Variants in PRORP observed in about 807,000 individuals in gnomAD.
PRORP encodes mitochondrial ribonuclease P catalytic subunit.
A neutral mutation model predicts 59.4 loss-of-function variants in PRORP; 51 were observed. The observed-to-expected ratio is 0.86, with a 90% CI of 0.69 to 1.08. PRORP has a LOEUF of 1.08. PRORP is among the 50% of genes least tolerant of loss of function. The probability of loss-of-function intolerance (pLI) is 0.00; values close to 1 mark genes in which losing one functional copy is unlikely to be tolerated. For synonymous variants in PRORP, 231 were observed against 245.6 expected (o/e 0.94, Z 0.55); for missense variants, 646 against 690.3 (o/e 0.94, Z 0.72).
intron 5 of PRORP, among the ~76,000 whole-genome samples, chr14:35,206,225 T>C (rs1464840922): frequency 6.6e-6 from 1 of 152,184 alleles, no homozygotes; most frequent in Admixed American, 6.5e-5. Context: ...TCCTCTAGTC[T>C]TTCTGGTGAA....
intron 5 of PRORP, among the ~76,000 whole-genome samples, chr14:35,250,346 G>A (rs375151196): frequency 1.1e-4 from 17 of 152,136 alleles, no homozygotes; most frequent in East Asian, 7.7e-4. Context: ...GACCATTTTC[G>A]GGGAAAACAG....
chr14:35,132,709 C>T (rs566454407), intron 4 of PRORP, among the ~76,000 whole-genome samples: 1 of 150,586 alleles, frequency 6.6e-6, no homozygotes, highest in South Asian at 2.1e-4. Context: ...ATCATTTGAA[C>T]CCGTGAAGCG....
intron 3 of PRORP, 32 bp downstream of exon 3, chr14:35,126,814 GAT>G: frequency 6.4e-7 from 1 of 1,569,732 alleles, no homozygotes; most frequent in Non-Finnish European, 8.7e-7. Context: ...TAACTTGTTT[GAT>G]TTTGGTTTAG....
At position 35,127,544 on chromosome 14, in the gene PRORP, G is replaced by A; in HGVS notation, c.1100G>A (p.Cys367Tyr). ...SIQLSPEEYE[C>Y]LKGKIMRDVI... ...CAGCTGAGTCCAGAAGAATATGAAT[G>A]TCTTAAGGGAAAAATCATGAGGGAT... Residue 367 changes from cysteine (C) to tyrosine (Y), a missense_variant, in exon 4 of 8, where the codon TGT (cysteine) becomes TAT (tyrosine). Cys to Tyr is a radical substitution (Grantham distance 194). Coordinates refer to ENST00000534898, the MANE Select transcript of PRORP (RefSeq NM_014672.4). 2 of 1,613,762 alleles carry A rather than the reference G, an allele frequency of 1.2e-6. No homozygotes were observed. Among genetic ancestry groups the A allele is most frequent in the South Asian group, 2.2e-5 (2 of 91,078 alleles).
chr14:35,249,710 T>A (rs1464717987), intron 5 of PRORP, among the ~76,000 whole-genome samples: 4 of 152,234 alleles, frequency 2.6e-5, no homozygotes, highest in Non-Finnish European at 5.9e-5. Context: ...ATCCTTTATA[T>A]CAGAACGCTA....
chr14:35,223,089 A>T (rs2138452054), intron 5 of PRORP, among the ~76,000 whole-genome samples: 1 of 152,304 alleles, frequency 6.6e-6, no homozygotes, highest in East Asian at 1.9e-4. Context: ...GTCTTCTTAT[A>T]AAACTCTTGT....
At chr14:35,180,031 G>A (rs7141992) in intron 4 of PRORP, among the ~76,000 whole-genome samples, 28,071 of 152,192 alleles carry the variant, frequency 0.18, 2,848 homozygotes, top group Admixed American at 0.27. Flanking sequence ...TATCAGCAGC[G>A]GAGGCTGCAG....
chr14:35,232,897 T>A (rs1317184815), intron 5 of PRORP, among the ~76,000 whole-genome samples: 1 of 152,000 alleles, frequency 6.6e-6, no homozygotes. Context: ...ATGGTCTTGG[T>A]CTCCTGACCT....
At chr14:35,263,053 A>G (rs2050945046) in intron 5 of PRORP, 2 of 1,511,688 alleles carry the variant, frequency 1.3e-6, no homozygotes, top group Non-Finnish European at 1.8e-6. Context: ...AGAGTTGTCC[A>G]GCTTCTGAAA....
At chr14:35,250,591 T>C (rs1220154163) in intron 5 of PRORP, among the ~76,000 whole-genome samples, 1 of 152,108 alleles carries the variant, frequency 6.6e-6, no homozygotes, top group Non-Finnish European at 1.5e-5. Context: ...TCAGATAAAG[T>C]GGAGCTTCTC....
At chr14:35,204,107 C>G (rs1436699159) in intron 5 of PRORP, among the ~76,000 whole-genome samples, 3 of 152,168 alleles carry the variant, frequency 2.0e-5, no homozygotes, top group East Asian at 3.8e-4. Context: ...TGGAGGAACA[C>G]TTTGTATTCT....
chr14:35,256,111 C>A (rs1223327451), intron 5 of PRORP, among the ~76,000 whole-genome samples: 5 of 151,062 alleles, frequency 3.3e-5, no homozygotes, highest in African/African-American at 4.9e-5. Flanking sequence ...TGGTGAAACC[C>A]CATCTCTACT....
At chr14:35,162,714 G>A (rs2048091708) in intron 4 of PRORP, among the ~76,000 whole-genome samples, 1 of 151,948 alleles carries the variant, frequency 6.6e-6, no homozygotes, top group South Asian at 2.1e-4. Flanking sequence ...CTGTTGCAAG[G>A]TTATTGAAAA....
At chr14:35,136,232 G>A (rs150110538) in intron 4 of PRORP, among the ~76,000 whole-genome samples, 220 of 152,244 alleles carry the variant, frequency 1.4e-3, no homozygotes, top group African/African-American at 5.1e-3. Flanking sequence ...ACAGGATGAT[G>A]TTCAGGTTTT....
chr14:35,266,789 G>A lies in PRORP; in HGVS notation c.1338G>A (p.Lys446=). 1 of 1,614,168 alleles carries A rather than the reference G, an allele frequency of 6.2e-7. No homozygotes were observed. Among genetic ancestry groups the A allele is most frequent in the African/African-American group, 1.3e-5 (1 of 75,038 alleles). ...TGCGACTGCTGGTCCTAGGCCGGAA[G>A]CACATGCTAAGACGGAGTTCCCAGT... ...RNLRLLVLGR[K]HMLRRSSQWS... The change falls in exon 6 of 8, where the codon AAG becomes AAA. Residue 446 remains lysine, a synonymous_variant. Coordinates refer to ENST00000534898, the MANE Select transcript of PRORP (RefSeq NM_014672.4).
chr14:35,193,634 ATTTTTTT>A (rs34186766), intron 5 of PRORP, among the ~76,000 whole-genome samples: 1 of 129,868 alleles, frequency 7.7e-6, no homozygotes. Context: ...TCCCGGGTGT[ATTTTTTT>A]TTTTTTTTTG....
At chr14:35,176,096 C>T (rs2048442529) in intron 4 of PRORP, among the ~76,000 whole-genome samples, 1 of 152,064 alleles carries the variant, frequency 6.6e-6, no homozygotes, top group Non-Finnish European at 1.5e-5. Context: ...TTCCATTGGT[C>T]TATATCTCTG....
chr14:35,207,122 C>T (rs1481516773), intron 5 of PRORP, among the ~76,000 whole-genome samples: 1 of 152,064 alleles, frequency 6.6e-6, no homozygotes, highest in Admixed American at 6.6e-5. Context: ...AGGCTAACAG[C>T]CTAATATGCC....
intron 1 of PRORP, 80 bp from the exon 2 acceptor site, chr14:35,122,872 C>T (rs1162735016): frequency 1.1e-5 from 2 of 189,532 alleles, no homozygotes; most frequent in East Asian, 1.3e-4. Flanking sequence ...GCAAGCTTCC[C>T]GTGGGAATCT....
Sources: gnomAD v4.1 joint callset for allele counts (sites outside exome capture counted in the v4.1 genomes callset) on GRCh38, gnomAD v4.1.1 for gene constraint, MANE v1.5 for transcripts, NCBI Gene and HGNC (gene_info 2026-07-23, HGNC 2026-07-21) for gene names.